The following FAM107B variants were observed in gnomAD, a reference collection of about 807,000 sequenced individuals.
FAM107B encodes family with sequence similarity 107 member B, also known as protein FAM107B.
A neutral mutation model predicts 31.5 loss-of-function variants in FAM107B; 21 were observed. The observed-to-expected ratio is 0.67, with a 90% CI of 0.47 to 0.96. The LOEUF (loss-of-function observed/expected upper bound fraction) is 0.96, where lower values mean the gene tolerates loss of function less well. Among genes scored for constraint, FAM107B ranks in the 40% least tolerant of loss-of-function variants. The pLI is 0.00. For missense variants in FAM107B, 452 were observed against 377.1 expected, an observed-to-expected ratio of 1.20 and a Z score of -1.64; for synonymous variants, 157 against 141.5, an observed-to-expected ratio of 1.11 and a Z score of -0.78.
intron 2 of FAM107B, among the ~76,000 whole-genome samples, chr10:14,616,892 CTGGGTG>C (rs1485310785): frequency 6.6e-6 from 1 of 151,874 alleles, no homozygotes; most frequent in Non-Finnish European, 1.5e-5. Flanking sequence ...GTACTCCAGC[CTGGGTG>C]ACACAGGGAG....
At chr10:14,564,079 A>G (rs1225193993) in intron 2 of FAM107B, among the ~76,000 whole-genome samples, 2 of 152,140 alleles carry the variant, frequency 1.3e-5, no homozygotes, top group African/African-American at 2.4e-5. Context: ...CTCAGTTTCA[A>G]TTTTTAACAT....
intron 1 of FAM107B, among the ~76,000 whole-genome samples, chr10:14,768,517 G>A (rs1224867179): frequency 1.3e-5 from 2 of 152,180 alleles, no homozygotes; most frequent in Non-Finnish European, 2.9e-5. Context: ...TTCAACAAGG[G>A]TGCCAAGACC....
chr10:14,764,030 T>C (rs1161221658), intron 1 of FAM107B, among the ~76,000 whole-genome samples: 1 of 152,254 alleles, frequency 6.6e-6, no homozygotes, highest in Admixed American at 6.5e-5. Context: ...CCATCTCTAC[T>C]GCTGCCTTTC....
chr10:14,593,664 A>C (rs902605557), intron 2 of FAM107B, among the ~76,000 whole-genome samples: 1 of 151,950 alleles, frequency 6.6e-6, no homozygotes, highest in Non-Finnish European at 1.5e-5. Flanking sequence ...ACTGTACTCC[A>C]GCCAGGGGAC....
At chr10:14,687,221 A>T (rs1482172533) in intron 1 of FAM107B, among the ~76,000 whole-genome samples, 1 of 152,216 alleles carries the variant, frequency 6.6e-6, no homozygotes, top group Admixed American at 6.5e-5. Context: ...CCCGTACAAC[A>T]TAATTACATG....
At chr10:14,592,351 C>A (rs1429734785) in intron 2 of FAM107B, among the ~76,000 whole-genome samples, 1 of 152,140 alleles carries the variant, frequency 6.6e-6, no homozygotes, top group East Asian at 1.9e-4. Context: ...CCAGCAGGTT[C>A]GTAGCAACTC....
intron 1 of FAM107B, among the ~76,000 whole-genome samples, chr10:14,726,969 C>T (rs148844136): frequency 1.3e-5 from 2 of 151,966 alleles, no homozygotes; most frequent in Non-Finnish European, 2.9e-5. Flanking sequence ...AGCTTGTTTT[C>T]CTGCAACTAG....
intron 1 of FAM107B, among the ~76,000 whole-genome samples, chr10:14,741,290 G>A (rs1245011050): frequency 6.6e-6 from 1 of 152,174 alleles, no homozygotes; most frequent in African/African-American, 2.4e-5. Context: ...GGCTTGGAGT[G>A]TCAGACTAGT....
At chr10:14,617,430 A>G (rs1040428176) in intron 2 of FAM107B, among the ~76,000 whole-genome samples, 4 of 152,234 alleles carry the variant, frequency 2.6e-5, no homozygotes, top group Non-Finnish European at 4.4e-5. Flanking sequence ...TCTTGCTCAC[A>G]AGGAGTCAAG....
intron 1 of FAM107B, among the ~76,000 whole-genome samples, chr10:14,736,657 C>G (rs1856306861): frequency 6.6e-6 from 1 of 152,178 alleles, no homozygotes; most frequent in Non-Finnish European, 1.5e-5. Context: ...AAAACCTTCA[C>G]TAAGTATAAA....
Position 14,626,937 on chromosome 10 carries a change from G to A in FAM107B, c.469+40697C>T, listed in dbSNP as rs147545652. ...TGTTTGTACCTCTTTCTATCTTTTG[G>A]ACATCTGGATTTAAATCCTCATTTA... On this transcript the variant is annotated intron_variant, in intron 2 of 4. Transcript: ENST00000181796. Among the ~76,000 whole-genome samples, 1,001 of 152,146 alleles carry A rather than the reference G, an allele frequency of 6.6e-3. 12 individuals carry two copies. The highest frequency in any genetic ancestry group is 0.023 in the African/African-American group (942 of 41,498).
chr10:14,700,700 C>G (rs1855377680), intron 1 of FAM107B, among the ~76,000 whole-genome samples: 1 of 151,910 alleles, frequency 6.6e-6, no homozygotes, highest in Non-Finnish European at 1.5e-5. Flanking sequence ...TTTTTTCCCC[C>G]AGATGTTGAA....
At chr10:14,774,141 A>G (rs1833366611) in intron 1 of FAM107B, 112 bp downstream of exon 1, 20 of 1,341,976 alleles carry the variant, frequency 1.5e-5, no homozygotes, top group Admixed American at 1.0e-4. Context: ...AACGCCCGCA[A>G]TGCCTTATTC....
chr10:14,596,174 C>A (rs932738319), intron 2 of FAM107B, among the ~76,000 whole-genome samples: 1 of 152,200 alleles, frequency 6.6e-6, no homozygotes, highest in Non-Finnish European at 1.5e-5. Flanking sequence ...CGAGGCTCAT[C>A]CCCTTGCCTC....
At chr10:14,720,501 G>T (rs1056733234) in intron 1 of FAM107B, among the ~76,000 whole-genome samples, 2 of 152,186 alleles carry the variant, frequency 1.3e-5, no homozygotes, top group Non-Finnish European at 2.9e-5. Flanking sequence ...TTATCCGCCT[G>T]CCTCAGCCTT....
At chr10:14,748,043 G>T (rs1312311516) in intron 1 of FAM107B, among the ~76,000 whole-genome samples, 1 of 152,142 alleles carries the variant, frequency 6.6e-6, no homozygotes, top group Non-Finnish European at 1.5e-5. Context: ...TATCCTTCAA[G>T]ATTCAATTTA....
chr10:14,541,617 G>A (rs991834831), intron 2 of FAM107B, among the ~76,000 whole-genome samples: 6 of 152,174 alleles, frequency 3.9e-5, no homozygotes, highest in African/African-American at 1.4e-4. Context: ...AGACTCCACT[G>A]GACGCCCCTT....
intron 2 of FAM107B, among the ~76,000 whole-genome samples, chr10:14,584,376 C>T (rs921386835): frequency 3.9e-5 from 6 of 152,196 alleles, no homozygotes; most frequent in Admixed American, 2.0e-4. Context: ...AAAGGACCTC[C>T]GAGGTCCAGC....
chr10:14,772,597 C>A (rs1588771943), intron 1 of FAM107B, among the ~76,000 whole-genome samples: 1 of 152,036 alleles, frequency 6.6e-6, no homozygotes, highest in South Asian at 2.1e-4. Flanking sequence ...GTTTGGACCG[C>A]ACAGTCAACT....
Sources: allele counts gnomAD v4.1 joint callset (sites outside exome capture counted in the v4.1 genomes callset), GRCh38; gene constraint gnomAD v4.1.1; transcripts MANE v1.5; gene names NCBI Gene and HGNC (gene_info 2026-07-23, HGNC 2026-07-21).